Variants in LARP1B observed in about 807,000 individuals in gnomAD.
LARP1B encodes La ribonucleoprotein 1B, also known as la-related protein 1B.
In LARP1B, 76 loss-of-function variants were observed where a neutral mutation model predicts 114.2. That is an observed-to-expected ratio of 0.67 (90% confidence interval 0.55 to 0.81). The LOEUF (loss-of-function observed/expected upper bound fraction) is 0.81, where lower values mean the gene tolerates loss of function less well. Ranked by LOEUF, LARP1B falls within the 30% of genes least tolerant of loss-of-function variation. The pLI is 0.00. For synonymous variants in LARP1B, 345 were observed against 348.0 expected, an observed-to-expected ratio of 0.99 and a Z score of 0.10; for missense variants, 1,014 against 1,075.8, an observed-to-expected ratio of 0.94 and a Z score of 0.80.
intron 13 of LARP1B, among the ~76,000 whole-genome samples, chr4:128,177,733 G>A (rs901251224): frequency 2.6e-5 from 4 of 152,120 alleles, no homozygotes; most frequent in Non-Finnish European, 5.9e-5. Context: ...GTAAGTTGGT[G>A]AAATCATTAT....
chr4:128,069,287 T>C (rs1975878), intron 1 of LARP1B: 556,191 of 894,178 alleles, frequency 0.62, 177,337 homozygotes, highest in Middle Eastern at 0.82. Context: ...AATTCAGGAC[T>C]TTTAGAGCCC....
chr4:128,171,105 ATT>A (rs36056578), intron 12 of LARP1B, among the ~76,000 whole-genome samples: 14 of 147,338 alleles, frequency 9.5e-5, no homozygotes, highest in African/African-American at 2.5e-4. Context: ...CTCCATAGAG[ATT>A]TTTTTTTTTT....
At chr4:128,090,835 G>A (rs1247704309) in intron 5 of LARP1B, among the ~76,000 whole-genome samples, 166 bp from the exon 6 acceptor site, 1 of 152,076 alleles carries the variant, frequency 6.6e-6, no homozygotes, top group African/African-American at 2.4e-5. Flanking sequence ...AGATATTTTT[G>A]ATAAATTCTT....
chr4:128,114,171 A>G (rs2149895628), intron 9 of LARP1B, among the ~76,000 whole-genome samples: 1 of 152,342 alleles, frequency 6.6e-6, no homozygotes, highest in Non-Finnish European at 1.5e-5. Flanking sequence ...TACCTTGAAT[A>G]AGATGTGCAT....
intron 15 of LARP1B, among the ~76,000 whole-genome samples, chr4:128,184,303 C>T (rs947024990): frequency 5.3e-5 from 8 of 152,120 alleles, no homozygotes; most frequent in African/African-American, 1.4e-4. Context: ...CCATTCCAAC[C>T]GTCAGCAACC....
At chr4:128,095,395 A>G (rs1777520905) in intron 7 of LARP1B, among the ~76,000 whole-genome samples, 1 of 150,672 alleles carries the variant, frequency 6.6e-6, no homozygotes, top group Non-Finnish European at 1.5e-5. Context: ...AGGGTGAGGC[A>G]GGAGAATCGC....
intron 9 of LARP1B, among the ~76,000 whole-genome samples, chr4:128,110,976 T>G (rs554450696): frequency 6.6e-6 from 1 of 151,880 alleles, no homozygotes; most frequent in Non-Finnish European, 1.5e-5. Context: ...CTTGGGAGGT[T>G]AAGTTTGGAG....
In LARP1B at chr4:128,221,245, A is replaced by G. The variant is rs189124483; in HGVS notation, n.934+805A>G. Among the ~76,000 whole-genome samples, 4 of 152,346 alleles carry G rather than the reference A, an allele frequency of 2.6e-5. No individual in the cohort carries two copies. The East Asian group carries it at 7.7e-4, about 29-fold the overall frequency. On this transcript the variant is annotated intron_variant and non_coding_transcript_variant, in intron 7 of 7. Transcript: ENST00000503725. ...TGTTTAAATGTTTTCCTAGAATTAG[A>G]TAAGGTAAAATACAAATGAAACTGA... is the stretch of plus-strand genomic sequence containing the variant.
intron 15 of LARP1B, among the ~76,000 whole-genome samples, chr4:128,191,958 A>G (rs1436946158): frequency 6.6e-6 from 1 of 151,958 alleles, no homozygotes; most frequent in Non-Finnish European, 1.5e-5. Flanking sequence ...AGAGAAGGCT[A>G]TTTCTCTTAC....
chr4:128,182,021 C>T (rs553590451), intron 15 of LARP1B, among the ~76,000 whole-genome samples: 1 of 151,150 alleles, frequency 6.6e-6, no homozygotes, highest in East Asian at 2.0e-4. Flanking sequence ...ACCGTGTTAG[C>T]CAGGATGGTC....
At chr4:128,098,769 T>TATATATATATATATATATG (rs1561201033) in intron 8 of LARP1B, among the ~76,000 whole-genome samples, 3 of 14,432 alleles carry the variant, frequency 2.1e-4, no homozygotes, top group African/African-American at 8.1e-4. Context: ...ATATATATAT[T>TATATATATATATATATATG]TTTTTTTTTT....
rs1276933515 is a variant in LARP1B at position 128,114,632 on chromosome 4, A to T, written c.1051A>T (p.Ser351Cys). Reference protein sequence around the residue: ...PLSPKKNSETSILQAMSRGLS... With the variant: ...PLSPKKNSETCILQAMSRGLS... ...GAGCCCAAAGAAAAACAGTGAAACA[A>T]GTATTCTTCAAGCAATGTCTAGAGG... Residue 351 changes from serine to cysteine, a missense_variant, in exon 10 of 20, where the codon AGT becomes TGT. Transcript: ENST00000326639. The T allele has an allele frequency of 1.2e-6, 2 of 1,613,990 alleles. No individual in the cohort carries two copies. The highest frequency in any genetic ancestry group is 1.6e-4 in the Middle Eastern group (1 of 6,062).
intron 11 of LARP1B, chr4:128,155,842 G>C: frequency 6.4e-7 from 1 of 1,570,122 alleles, no homozygotes; most frequent in Non-Finnish European, 8.8e-7. Context: ...GCGAGAGATC[G>C]AGGAGCTGCA....
rs1472535286 is a variant in LARP1B at position 128,065,249 on chromosome 4, ATTAATTTCTTTCTTTC to A, written c.-78+3851_-78+3866del. Among the ~76,000 whole-genome samples the A allele has an allele frequency of 7.0e-3, 670 of 96,042 alleles. 12 individuals are homozygous for A. The highest frequency in any genetic ancestry group is 0.021 in the South Asian group (57 of 2,672). 63.0% of individuals were successfully genotyped at this position (96,042 alleles called of 152,430 possible). A position where few individuals can be genotyped will look rare whatever the true frequency, so the allele number is the denominator to read the frequency against. The stretch of plus-strand genomic sequence containing the variant: ...ACTGACTCTGCACTGTTCTCCCACA[ATTAATTTCTTTCTTTC>A]TTTCTTTCTTTCTTTCTTTCTTTCT... On this transcript the variant is annotated intron_variant, in intron 1 of 19. Transcript: ENST00000326639.
In LARP1B at chr4:128,119,373, A is replaced by G. The variant is rs74472209; in HGVS notation, c.1162-2453A>G. Among the ~76,000 whole-genome samples the G allele has an allele frequency of 5.3e-3, 811 of 152,224 alleles. 8 individuals carry two copies. The highest frequency in any genetic ancestry group is 0.018 in the African/African-American group (764 of 41,522). ...CTTTTCTTTTCCTCCCCCCAGCTCT[A>G]TTTTAGAGGTTCAGAATAATGCTAG... On this transcript the variant is annotated intron_variant, in intron 10 of 19. Transcript: ENST00000326639.
At chr4:128,113,196 A>G (rs1386069612) in intron 9 of LARP1B, among the ~76,000 whole-genome samples, 1 of 152,168 alleles carries the variant, frequency 6.6e-6, no homozygotes, top group Non-Finnish European at 1.5e-5. Flanking sequence ...TACAGAGTAC[A>G]TTTTTTGAAG....
At chr4:128,088,197 A>G in intron 5 of LARP1B, among the ~76,000 whole-genome samples, 1 of 76,716 alleles carries the variant, frequency 1.3e-5, no homozygotes, top group Non-Finnish European at 2.6e-5. Context: ...CTCTAAAATC[A>G]ATAATAATGA....
intron 1 of LARP1B, among the ~76,000 whole-genome samples, chr4:128,065,287 T>TTC (rs1266523175): frequency 7.3e-6 from 1 of 136,254 alleles, no homozygotes; most frequent in Non-Finnish European, 1.6e-5. Flanking sequence ...CTTTCTTTCT[T>TTC]TCTTTCTTTC....
chr4:128,077,835 A>G lies in LARP1B; in HGVS notation c.90A>G (p.Lys30=), dbSNP rs770500029. 6.2e-7 allele frequency: 1 copy of G among 1,607,714 alleles called. No individual in the cohort carries two copies. Among genetic ancestry groups the G allele is most frequent in the South Asian group, 1.1e-5 (1 of 89,232 alleles). ...GAAATAAAAAGCCACAAAATAGAAAAGAAAAAGAAGAGAAGGTTGAAAAGA... is the reference window on the plus strand; with the variant it reads ...GAAATAAAAAGCCACAAAATAGAAAGGAAAAAGAAGAGAAGGTTGAAAAGA... ...SQGNKKPQNR[K]EKEEKVEKRS... Residue 30 remains lysine (K), a synonymous_variant, in exon 4 of 20, where the codon AAA becomes AAG. Coordinates refer to ENST00000326639, the MANE Select transcript of LARP1B (RefSeq NM_018078.4).
Sources: gnomAD v4.1 joint callset for allele counts (sites outside exome capture counted in the v4.1 genomes callset) on GRCh38, gnomAD v4.1.1 for gene constraint, MANE v1.5 for transcripts, NCBI Gene and HGNC (gene_info 2026-07-23, HGNC 2026-07-21) for gene names.